The following KCNK4 variants were observed in gnomAD, a reference collection of about 807,000 sequenced individuals.
KCNK4 encodes potassium channel subfamily K member 4.
Under a neutral mutation model 28.8 loss-of-function variants are expected in KCNK4, and 22 were observed. That is an observed-to-expected ratio of 0.76 (90% CI 0.55 to 1.09). The LOEUF is 1.09. Among genes scored for constraint, KCNK4 ranks in the 50% least tolerant of loss-of-function variants. The pLI is 0.00. For synonymous variants in KCNK4, 263 were observed against 252.9 expected (o/e 1.04, Z -0.38); for missense variants, 483 against 546.3 (o/e 0.88, Z 1.15).
rs558071696 is a variant in KCNK4 at position 64,295,696 on chromosome 11, G to C, written c.190-1182G>C. 5.9e-5 allele frequency among the ~76,000 whole-genome samples: 9 copies of C among 151,964 alleles called. No homozygotes were observed. The East Asian group carries it at 9.7e-4, about 16-fold the overall frequency. ...GTCCCAGGGAGAAGACTAGGGGAAGGGGGGTGGGGACCAGTTTGAAAAAAG... is the reference window on the plus strand; with the variant it reads ...GTCCCAGGGAGAAGACTAGGGGAAGCGGGGTGGGGACCAGTTTGAAAAAAG... On this transcript the variant is annotated intron_variant, in intron 2 of 6. Coordinates refer to ENST00000422670, the MANE Select transcript of KCNK4 (RefSeq NM_033310.3).
intron 1 of KCNK4, among the ~76,000 whole-genome samples, chr11:64,292,333 C>G (rs1032271551): frequency 2.4e-4 from 37 of 152,096 alleles, no homozygotes; most frequent in African/African-American, 8.4e-4. Context: ...CTGGGCGTCC[C>G]CAGCACCCCT....
At chr11:64,299,154 G>A (rs1352946350) in intron 6 of KCNK4, among the ~76,000 whole-genome samples, 192 bp from the exon 7 acceptor site, 1 of 151,420 alleles carries the variant, frequency 6.6e-6, no homozygotes, top group Non-Finnish European at 1.5e-5. Flanking sequence ...TTAGCCAGGC[G>A]ATTTGTATTT....
chr11:64,297,133 G>A lies in KCNK4; in HGVS notation c.328G>A (p.Ala110Thr), dbSNP rs750358920. 5.6e-6 allele frequency: 9 copies of A among 1,614,154 alleles called. No individual in the cohort carries two copies. The South Asian group carries it at 6.6e-5, about 12-fold the overall frequency. The change falls in exon 4 of 7, where the codon GCC becomes ACC. Residue 110 changes from alanine (A) to threonine (T), a missense_variant. Transcript: ENST00000422670. Reference sequence around the variant, plus strand: ...CCTCTGCCCAGGCTATGGCAATGTGGCCCTGCGCACAGATGCCGGGCGCCT... The same window carrying A: ...CCTCTGCCCAGGCTATGGCAATGTGACCCTGCGCACAGATGCCGGGCGCCT... The part of the protein sequence containing the change: ...IITTIGYGNV[A>T]LRTDAGRLFC...
rs1401031291 is a variant in KCNK4 at position 64,297,139 on chromosome 11, C to CGCACAGAT, written c.337_344dup (p.Gly116GlnfsTer46). On this transcript the variant is annotated frameshift_variant, in exon 4 of 7. Transcript: ENST00000422670. LOFTEE classifies it high-confidence loss of function. ...CCCAGGCTATGGCAATGTGGCCCTG[C>CGCACAGAT]GCACAGATGCCGGGCGCCTCTTCTG... 4.3e-6 allele frequency: 7 copies of CGCACAGAT among 1,614,184 alleles called. No homozygotes were observed. The Admixed American group carries it at 5.0e-5, about 12-fold the overall frequency.
intron 2 of KCNK4, 32 bp from the exon 3 acceptor site, chr11:64,296,845 CT>C (rs1021047567): frequency 6.7e-7 from 1 of 1,498,408 alleles, no homozygotes; most frequent in Non-Finnish European, 8.9e-7. Flanking sequence ...GAGGGAAGAA[CT>C]GAAGCTCCTC....
Position 64,299,833 on chromosome 11 carries a change from G to A in KCNK4, c.*107G>A, listed in dbSNP as rs12801470. ...TCTTTCCACGAGACTGAAGTCTGGG[G>A]AGGAGGCTACAGTTGCCTCTCCGCC... On this transcript the variant is annotated 3_prime_UTR_variant, in exon 7 of 7. Coordinates refer to ENST00000422670, the MANE Select transcript of KCNK4 (RefSeq NM_033310.3). 1 of 1,534,354 alleles carries A rather than the reference G, an allele frequency of 6.5e-7. No homozygotes were observed. The highest frequency in any genetic ancestry group is 8.7e-7 in the Non-Finnish European group (1 of 1,145,792).
At chr11:64,297,407 G>C in intron 4 of KCNK4, 60 bp from the exon 5 acceptor site, 1 of 1,594,954 alleles carries the variant, frequency 6.3e-7, no homozygotes, top group Middle Eastern at 1.7e-4. Flanking sequence ...CGGGAGTGGG[G>C]AGTATGGGAG....
In KCNK4 at chr11:64,299,590, A is replaced by G. The variant is rs2034874455; in HGVS notation, c.1046A>G (p.Glu349Gly). The change falls in exon 7 of 7, where the codon GAG becomes GGG. Residue 349 changes from glutamate (E) to glycine (G), a missense_variant. Transcript: ENST00000422670. ...YPSENLAFID[E>G]SSDTQSERGC... ...AGCGAGAACCTGGCCTTCATCGACG[A>G]GTCCTCGGATACGCAGAGCGAGCGC... 1 of 1,610,016 alleles carries G rather than the reference A, an allele frequency of 6.2e-7. No homozygotes were observed. The highest frequency in any genetic ancestry group is 1.1e-5 in the South Asian group (1 of 90,934).
rs2034812081 is a variant in KCNK4, at chr11:64,297,724, C to G, written c.661+71C>G. On this transcript the variant is annotated intron_variant, in intron 5 of 6. Transcript: ENST00000422670. ...CTGATCAGGGGCTCTGCACTCCTGC[C>G]TTTCCCTCCAGATCCCATGTGGTTG... The G allele has an allele frequency of 5.0e-5, 74 of 1,493,420 alleles. No individual in the cohort carries two copies. The South Asian group carries it at 9.1e-4, about 18-fold the overall frequency. The allele number at this position is 1,493,420 out of a possible 1,614,324, so 92.5% of individuals were successfully genotyped here. A position where few individuals can be genotyped will look rare whatever the true frequency, so the allele number is the denominator to read the frequency against.
intron 6 of KCNK4, 24 bp from the exon 7 acceptor site, chr11:64,299,322 G>A: frequency 2.7e-6 from 4 of 1,504,512 alleles, no homozygotes; most frequent in East Asian, 2.5e-5. Context: ...CTCTAGTCGA[G>A]GGCTGCTTTC....
chr11:64,299,050 G>GAAAAAAAAAAAAAA (rs56097945), intron 6 of KCNK4, among the ~76,000 whole-genome samples: 17 of 85,070 alleles, frequency 2.0e-4, no homozygotes, highest in Non-Finnish European at 3.0e-4. Context: ...AAAAAAAGAA[G>GAAAAAAAAAAAAAA]AAAAAAAAAA....
chr11:64,292,136 G>T (rs953231640), intron 1 of KCNK4: 2 of 982,444 alleles, frequency 2.0e-6, no homozygotes, highest in Non-Finnish European at 2.4e-6. Flanking sequence ...CGTGCAGCGG[G>T]GCGGCGCGGC....
chr11:64,292,968 G>A lies in KCNK4; in HGVS notation c.-51G>A, dbSNP rs370012701. 84 of 1,498,048 alleles carry A rather than the reference G, an allele frequency of 5.6e-5. No individual in the cohort carries two copies. Among genetic ancestry groups the A allele is most frequent in the Middle Eastern group, 4.8e-4 (2 of 4,168 alleles). The allele number at this position is 1,498,048 out of a possible 1,614,324, so 92.8% of individuals were successfully genotyped here. A position where few individuals can be genotyped will look rare whatever the true frequency, so the allele number is the denominator to read the frequency against. Reference sequence around the variant, plus strand: ...GACGACAGCTCCCCAGGAGCCCCCCGCCCGGCCCCTCCAGGCGGGCAGTGG... The same window carrying A: ...GACGACAGCTCCCCAGGAGCCCCCCACCCGGCCCCTCCAGGCGGGCAGTGG... On this transcript the variant is annotated 5_prime_UTR_variant, in exon 2 of 7. Coordinates refer to ENST00000422670, the MANE Select transcript of KCNK4 (RefSeq NM_033310.3).
chr11:64,297,614 G>C lies in KCNK4; in HGVS notation c.622G>C (p.Val208Leu). The C allele has an allele frequency of 1.2e-6, 2 of 1,613,928 alleles. No homozygotes were observed. The highest frequency in any genetic ancestry group is 1.7e-6 in the Non-Finnish European group (2 of 1,179,848). The change falls in exon 5 of 7, where the codon GTG becomes CTG. Residue 208 changes from valine (V) to leucine (L), a missense_variant. By Grantham distance (32) the Val-to-Leu change is conservative. Coordinates refer to ENST00000422670, the MANE Select transcript of KCNK4 (RefSeq NM_033310.3). Reference protein sequence around the residue: ...SKLEAIYFVIVTLTTVGFGDY... With the variant: ...SKLEAIYFVILTLTTVGFGDY... Reference sequence around the variant, plus strand: ...GCTGGAGGCCATCTACTTTGTCATAGTGACGCTTACCACCGTGGGCTTTGG... The same window carrying C: ...GCTGGAGGCCATCTACTTTGTCATACTGACGCTTACCACCGTGGGCTTTGG...
At chr11:64,292,833 A>G in intron 1 of KCNK4, 109 bp from the exon 2 acceptor site, 1 of 1,221,420 alleles carries the variant, frequency 8.2e-7, no homozygotes, top group Non-Finnish European at 1.1e-6. Flanking sequence ...ATGTCTGTGG[A>G]CAGTGCAGCT....
rs754051194 is a variant in KCNK4, at chr11:64,297,074, G to T, written c.314-45G>T. On this transcript the variant is annotated intron_variant, in intron 3 of 6. Transcript: ENST00000422670. ...GGGGGAAGGTGCAGGGAGACGGAGG[G>T]GTCCCAGGTGGCCCCTAGACTTCCT... 21 of 1,612,064 alleles carry T rather than the reference G, an allele frequency of 1.3e-5. No individual in the cohort carries two copies. In the Admixed American group the frequency reaches 3.3e-4, roughly 26 times the overall value.
At chr11:64,296,814 G>C in intron 2 of KCNK4, 64 bp from the exon 3 acceptor site, 1 of 1,467,286 alleles carries the variant, frequency 6.8e-7, no homozygotes. Flanking sequence ...GACTGGAGGG[G>C]CCACGAGTTG....
At chr11:64,296,770 G>C in intron 2 of KCNK4, 108 bp from the exon 3 acceptor site, 1 of 1,206,336 alleles carries the variant, frequency 8.3e-7, no homozygotes, top group Non-Finnish European at 1.1e-6. Context: ...GGGAAGGGGA[G>C]AACAGGGAGG....
Position 64,299,612 on chromosome 11 carries a change from G to A in KCNK4, c.1068G>A (p.Glu356=). The A allele has an allele frequency of 6.2e-7, 1 of 1,609,100 alleles. No individual in the cohort carries two copies. The change falls in exon 7 of 7, where the codon GAG becomes GAA. Residue 356 remains glutamate, a synonymous_variant. Coordinates refer to ENST00000422670, the MANE Select transcript of KCNK4 (RefSeq NM_033310.3). ...ACGAGTCCTCGGATACGCAGAGCGA[G>A]CGCGGCTGCCCGCTGCCCCGCGCGC... ...FIDESSDTQS[E]RGCPLPRAPR...
Sources: gnomAD v4.1 joint callset for allele counts (sites outside exome capture counted in the v4.1 genomes callset) on GRCh38, gnomAD v4.1.1 for gene constraint, MANE v1.5 for transcripts, NCBI Gene and HGNC (gene_info 2026-07-23, HGNC 2026-07-21) for gene names.